DENND10: variants seen among roughly 807,000 people sequenced by gnomAD.
DENND10 encodes the protein DENN domain-containing protein 10.
Under a neutral mutation model 43.6 loss-of-function variants are expected in DENND10, and 24 were observed. That is an observed-to-expected ratio of 0.55 (90% CI 0.40 to 0.77). The LOEUF (loss-of-function observed/expected upper bound fraction) is 0.77. DENND10 is among the 30% of genes least tolerant of loss of function. The probability of loss-of-function intolerance (pLI) is 0.00; values close to 1 mark genes in which losing one functional copy is unlikely to be tolerated. For synonymous variants in DENND10, 125 were observed against 157.6 expected (o/e 0.79, Z 1.55); for missense variants, 303 against 429.9 (o/e 0.70, Z 2.61).
chr10:119,129,737 G>C, intron 7 of DENND10, 115 bp downstream of exon 7: 1 of 699,600 alleles, frequency 1.4e-6, no homozygotes, highest in East Asian at 2.6e-5. Flanking sequence ...GCTGAAGATG[G>C]ATATTTCCGT....
chr10:119,108,781 A>G (rs1844827495), intron 2 of DENND10, among the ~76,000 whole-genome samples: 1 of 151,030 alleles, frequency 6.6e-6, no homozygotes, highest in Non-Finnish European at 1.5e-5. Context: ...CAGCCTCCCG[A>G]GTAGCTGGGA....
In DENND10 at chr10:119,123,546, T is replaced by C. The variant is rs1564793159; in HGVS notation, c.671T>C (p.Leu224Pro). 1.2e-6 allele frequency: 2 copies of C among 1,613,042 alleles called. No homozygotes were observed. The highest frequency in any genetic ancestry group is 2.2e-5 in the South Asian group (2 of 91,042). ...HSYVHLNADE[L>P]EALQMCTGYV... ...TACGTGCACCTCAACGCCGATGAGC[T>C]GGAAGCCCTGCAGATGTGCACAGGT... Residue 224 changes from leucine (L) to proline (P), a missense_variant, in exon 6 of 9, where the codon CTG becomes CCG. Transcript: ENST00000361432.
At chr10:119,109,046 C>G (rs913722553) in intron 2 of DENND10, among the ~76,000 whole-genome samples, 4 of 151,404 alleles carry the variant, frequency 2.6e-5, no homozygotes, top group Non-Finnish European at 4.4e-5. Flanking sequence ...GAAACCGCAT[C>G]TCTACTAAAA....
chr10:119,127,699 G>A (rs1204836096), intron 6 of DENND10, among the ~76,000 whole-genome samples: 2 of 151,766 alleles, frequency 1.3e-5, no homozygotes, highest in African/African-American at 4.8e-5. Context: ...TGTTGCCCAG[G>A]CAGGCCTCGA....
intron 5 of DENND10, among the ~76,000 whole-genome samples, chr10:119,120,987 T>TC (rs1845547349): frequency 6.6e-6 from 1 of 152,136 alleles, no homozygotes; most frequent in African/African-American, 2.4e-5. Flanking sequence ...AATTTTATTT[T>TC]CATTTTTAGT....
At chr10:119,104,860 A>G (rs917090715) in intron 1 of DENND10, 1 of 152,434 alleles carries the variant, frequency 6.6e-6, no homozygotes, top group Non-Finnish European at 1.5e-5. Context: ...CGGACACACC[A>G]TAGGCCGTAC....
intron 3 of DENND10, among the ~76,000 whole-genome samples, chr10:119,115,441 G>A (rs1479501080): frequency 2.1e-5 from 2 of 96,280 alleles, no homozygotes; most frequent in Non-Finnish European, 4.0e-5. Flanking sequence ...AGGCTGGAGT[G>A]CAGTGGCGGG....
At chr10:119,114,814 G>A (rs1407931853) in intron 3 of DENND10, among the ~76,000 whole-genome samples, 1 of 150,916 alleles carries the variant, frequency 6.6e-6, no homozygotes, top group Non-Finnish European at 1.5e-5. Context: ...CTGTCACCCA[G>A]GCTGGAATGC....
chr10:119,121,320 C>T (rs186138881), intron 5 of DENND10, among the ~76,000 whole-genome samples: 44 of 150,492 alleles, frequency 2.9e-4, no homozygotes, highest in African/African-American at 8.1e-4. Flanking sequence ...TATTTTTTGT[C>T]GAGATGGGGT....
At chr10:119,119,459 T>G (rs1307479899) in intron 4 of DENND10, among the ~76,000 whole-genome samples, 3 of 152,134 alleles carry the variant, frequency 2.0e-5, no homozygotes, top group Admixed American at 6.6e-5. Flanking sequence ...GTATTTTTGG[T>G]AGAGATGGGG....
intron 1 of DENND10, among the ~76,000 whole-genome samples, chr10:119,104,586 GGCGGC>G (rs200289641): frequency 0.94 from 139,875 of 148,412 alleles, 66,384 homozygotes; most frequent in Non-Finnish European, 0.99. Context: ...GCAGCCGGCT[GGCGGC>G]GCGGCGCGGC....
chr10:119,128,044 G>GGCTC (rs960380688), intron 6 of DENND10, among the ~76,000 whole-genome samples: 2 of 152,180 alleles, frequency 1.3e-5, no homozygotes, highest in Non-Finnish European at 2.9e-5. Context: ...CGGGTGGGAT[G>GGCTC]GCTCATGCCT....
At chr10:119,125,179 C>T (rs185111043) in intron 6 of DENND10, among the ~76,000 whole-genome samples, 71 of 152,062 alleles carry the variant, frequency 4.7e-4, no homozygotes, top group African/African-American at 1.3e-3. Flanking sequence ...TCCACGTTGG[C>T]CAGGCTGGTC....
chr10:119,136,273 T>G (rs1053498968), intron 8 of DENND10, among the ~76,000 whole-genome samples, 198 bp from the exon 9 acceptor site: 1 of 152,080 alleles, frequency 6.6e-6, no homozygotes, highest in African/African-American at 2.4e-5. Flanking sequence ...CATGGCTCAC[T>G]GCATTCTCTA....
At chr10:119,130,729 C>T (rs140475826) in intron 7 of DENND10, among the ~76,000 whole-genome samples, 39 of 152,324 alleles carry the variant, frequency 2.6e-4, no homozygotes, top group African/African-American at 2.4e-4. Context: ...CTGGAACATC[C>T]GCTTTCAATG....
chr10:119,105,650 T>G lies in DENND10; in HGVS notation c.55+1453T>G, dbSNP rs1844658949. 2.2e-5 allele frequency: 8 copies of G among 370,760 alleles called. No individual in the cohort carries two copies. The South Asian group carries it at 5.1e-4, about 24-fold the overall frequency. 23.0% of individuals were successfully genotyped at this position (370,760 alleles called of 1,614,324 possible). On this transcript the variant is annotated intron_variant, in intron 1 of 8. Transcript: ENST00000361432. ...ATAAAAAGATGACATATGATCATAT[T>G]TTGAACTCAGCAGTTTTTTAATTAT...
Position 119,136,972 on chromosome 10 carries a change from C to T in DENND10, c.*325C>T, listed in dbSNP as rs1447398643. 1.3e-5 allele frequency: 3 copies of T among 230,060 alleles called. No homozygotes were observed. The highest frequency in any genetic ancestry group is 1.9e-5 in the Non-Finnish European group (2 of 107,964). The allele number at this position is 230,060 out of a possible 1,614,324, so 14.3% of individuals were successfully genotyped here. On this transcript the variant is annotated 3_prime_UTR_variant, in exon 9 of 9. Transcript: ENST00000361432. ...AAATGTGAAAGCCTTCATTATTACA[C>T]GTTCCAGTTTGTCTCGCTGTGTAGG...
chr10:119,135,815 A>AAAAAAAAAAAAAAAAAAAAAC, intron 8 of DENND10, among the ~76,000 whole-genome samples: 1 of 137,926 alleles, frequency 7.3e-6, no homozygotes, highest in South Asian at 2.3e-4. Context: ...AAAAAAAAAA[A>AAAAAAAAAAAAAAAAAAAAAC]ACCAAAACCA....
chr10:119,135,807 A>AC (rs1157150233), intron 8 of DENND10, among the ~76,000 whole-genome samples: 9 of 150,100 alleles, frequency 6.0e-5, no homozygotes, highest in Admixed American at 2.7e-4. Flanking sequence ...AAAAAAAAAA[A>AC]AAAAAAAAAC....
Sources: allele counts gnomAD v4.1 joint callset (sites outside exome capture counted in the v4.1 genomes callset), GRCh38; gene constraint gnomAD v4.1.1; transcripts MANE v1.5; gene names NCBI Gene and HGNC (gene_info 2026-07-23, HGNC 2026-07-21).